Variants in GABRG3 observed in about 807,000 individuals in gnomAD.
The protein encoded by GABRG3 is gamma-aminobutyric acid type A receptor subunit gamma3.
In GABRG3, 25 loss-of-function variants were observed where a neutral mutation model predicts 48.8. That is an observed-to-expected ratio of 0.51 (90% CI 0.37 to 0.72). The LOEUF is 0.72. GABRG3 is among the 30% of genes least tolerant of loss of function. The pLI, the probability that GABRG3 is intolerant of heterozygous loss-of-function variation, is 0.00. For missense variants in GABRG3, 394 were observed against 577.9 expected (o/e 0.68, Z 3.26); for synonymous variants, 227 against 217.6 (o/e 1.04, Z -0.38).
chr15:27,298,001 A>G (rs1892060021), intron 3 of GABRG3, among the ~76,000 whole-genome samples: 2 of 152,062 alleles, frequency 1.3e-5, no homozygotes, highest in Non-Finnish European at 1.5e-5. Context: ...ATCATTATAG[A>G]TCCTCAAACG....
intron 3 of GABRG3, among the ~76,000 whole-genome samples, chr15:27,229,284 G>A (rs767441954): frequency 3.9e-5 from 6 of 152,096 alleles, no homozygotes; most frequent in East Asian, 1.9e-4. Flanking sequence ...TTCTGCATAT[G>A]GCTAGCCAGT....
intron 5 of GABRG3, among the ~76,000 whole-genome samples, chr15:27,475,513 A>G (rs1471842726): frequency 6.6e-6 from 1 of 152,040 alleles, no homozygotes; most frequent in Non-Finnish European, 1.5e-5. Flanking sequence ...GATATTGTTG[A>G]TGATGATGGT....
intron 5 of GABRG3, chr15:27,422,446 G>T (rs1888152444): frequency 6.6e-6 from 1 of 151,786 alleles, no homozygotes; most frequent in South Asian, 2.1e-4. Flanking sequence ...ATCGATGGGA[G>T]TGGGCTGCAT....
rs1281670906 is a variant in GABRG3, at chr15:26,974,776, A to G, written c.54-2226A>G. Among the ~76,000 whole-genome samples the G allele has an allele frequency of 2.0e-5, 3 of 151,930 alleles. No individual in the cohort carries two copies. Among genetic ancestry groups the G allele is most frequent in the African/African-American group, 4.8e-5 (2 of 41,374 alleles). ...TCAACCTGCTCTTTAAGTTTTAAAA[A>G]ATTTTTGCAAGATGATAAAATTAAC... On this transcript the variant is annotated intron_variant, in intron 1 of 9. Transcript: ENST00000615808. This position sits in a 1 kb window ranked among gnomAD's most constrained non-coding sequence, Gnocchi z 4.3.
intron 3 of GABRG3, among the ~76,000 whole-genome samples, chr15:27,122,559 A>G (rs1897749503): frequency 6.6e-6 from 1 of 152,188 alleles, no homozygotes; most frequent in African/African-American, 2.4e-5. Flanking sequence ...TGCACTTGGT[A>G]AAAAATAAAA....
intron 5 of GABRG3, among the ~76,000 whole-genome samples, chr15:27,450,727 G>A (rs574198145): frequency 1.2e-4 from 18 of 151,968 alleles, no homozygotes; most frequent in African/African-American, 4.1e-4. Context: ...TAAAAATGTC[G>A]GGGGTGGGGG....
intron 5 of GABRG3, among the ~76,000 whole-genome samples, chr15:27,395,996 G>A (rs1204185085): frequency 6.6e-6 from 1 of 152,056 alleles, no homozygotes; most frequent in African/African-American, 2.4e-5. Context: ...ACGTAGCTGG[G>A]ACCACAAGTG....
In GABRG3 at chr15:27,028,833, A is replaced by G. The variant is rs1896030209; in HGVS notation, c.270+2012A>G. 5.3e-5 allele frequency among the ~76,000 whole-genome samples: 8 copies of G among 150,786 alleles called. No homozygotes were observed. In the South Asian group the frequency reaches 1.7e-3, roughly 32 times the overall value. ...AAAAAAAAAAAAAAAAAAATCCAGT[A>G]AGATCGCTAGTCAGACCCCTCTCTC... is the stretch of plus-strand genomic sequence containing the variant. On this transcript the variant is annotated intron_variant, in intron 3 of 9. Coordinates refer to ENST00000615808, the MANE Select transcript of GABRG3 (RefSeq NM_033223.5).
intron 3 of GABRG3, among the ~76,000 whole-genome samples, chr15:27,041,617 T>C (rs1367644747): frequency 2.0e-5 from 3 of 152,218 alleles, no homozygotes; most frequent in Non-Finnish European, 4.4e-5. Context: ...AAATAAACTT[T>C]CCCTTTTTGG....
At chr15:27,513,517 A>G (rs1890949971) in intron 6 of GABRG3, among the ~76,000 whole-genome samples, 1 of 152,172 alleles carries the variant, frequency 6.6e-6, no homozygotes, top group African/African-American at 2.4e-5. Flanking sequence ...CCTGCTGATA[A>G]TATTGTCAGG....
At chr15:27,419,453 A>G (rs1225796169) in intron 5 of GABRG3, among the ~76,000 whole-genome samples, 2 of 152,152 alleles carry the variant, frequency 1.3e-5, no homozygotes, top group Non-Finnish European at 2.9e-5. Context: ...ATGGTTCCAC[A>G]TGGTCTCTGG....
At chr15:27,315,481 C>T (rs1040700458) in intron 3 of GABRG3, among the ~76,000 whole-genome samples, 10 of 152,232 alleles carry the variant, frequency 6.6e-5, no homozygotes, top group Non-Finnish European at 1.0e-4. Context: ...AAGGTCCTGG[C>T]ACAAAATATA....
intron 5 of GABRG3, among the ~76,000 whole-genome samples, chr15:27,359,027 G>A (rs1403824325): frequency 6.6e-6 from 1 of 152,234 alleles, no homozygotes; most frequent in Admixed American, 6.5e-5. Flanking sequence ...ACCTTCTGGT[G>A]GCTGCCTGCA....
At chr15:27,430,709 G>C (rs1305785338) in intron 5 of GABRG3, among the ~76,000 whole-genome samples, 1 of 152,126 alleles carries the variant, frequency 6.6e-6, no homozygotes, top group Non-Finnish European at 1.5e-5. Flanking sequence ...AATTGACTAG[G>C]CTGGGCACGG....
At chr15:27,407,948 A>G (rs1472853069) in intron 5 of GABRG3, among the ~76,000 whole-genome samples, 2 of 152,202 alleles carry the variant, frequency 1.3e-5, no homozygotes, top group East Asian at 1.9e-4. Context: ...AGTGAACCCT[A>G]TTGTGAACCA....
intron 7 of GABRG3, among the ~76,000 whole-genome samples, chr15:27,524,685 A>G (rs1891233469): frequency 2.0e-5 from 3 of 152,118 alleles, no homozygotes; most frequent in Admixed American, 2.0e-4. Flanking sequence ...TACTGGAGGA[A>G]CCACTAAAAA....
intron 3 of GABRG3, among the ~76,000 whole-genome samples, chr15:27,041,071 A>G (rs1595488613): frequency 6.6e-6 from 1 of 152,248 alleles, no homozygotes; most frequent in Admixed American, 6.5e-5. Flanking sequence ...GCAATGTCGA[A>G]TGAACCAAAA....
At chr15:27,419,153 A>T (rs1474333382) in intron 5 of GABRG3, 1 of 152,218 alleles carries the variant, frequency 6.6e-6, no homozygotes. Context: ...ATTTAATCAC[A>T]GTCTGATTTG....
intron 3 of GABRG3, among the ~76,000 whole-genome samples, chr15:27,306,729 A>T (rs1167262092): frequency 1.6e-5 from 2 of 128,578 alleles, no homozygotes; most frequent in African/African-American, 3.0e-5. Context: ...ACATGTTTAT[A>T]TATAAACATA....
Sources: gnomAD v4.1 joint callset for allele counts (sites outside exome capture counted in the v4.1 genomes callset) on GRCh38, gnomAD v4.1.1 for gene constraint, Gnocchi (gnomAD v3.1) non-coding constraint, MANE v1.5 for transcripts, NCBI Gene and HGNC (gene_info 2026-07-23, HGNC 2026-07-21) for gene names.